The following KNTC1 variants were observed in gnomAD, a reference collection of about 807,000 sequenced individuals.
KNTC1 encodes kinetochore associated 1.
A neutral mutation model predicts 314.4 loss-of-function variants in KNTC1; 253 were observed. The ratio of observed to expected loss-of-function variants is 0.80; its 90% CI spans 0.73 to 0.89. The LOEUF (loss-of-function observed/expected upper bound fraction) is 0.89, where lower values mean the gene tolerates loss of function less well. Among genes scored for constraint, KNTC1 ranks in the 40% least tolerant of loss-of-function variants. The probability of loss-of-function intolerance (pLI) is 0.00; values close to 1 mark genes in which losing one functional copy is unlikely to be tolerated. For synonymous variants in KNTC1, 901 were observed against 901.4 expected (o/e 1.00, Z 0.01); for missense variants, 2,475 against 2,572.9 (o/e 0.96, Z 0.82).
Position 122,602,678 on chromosome 12 carries a change from A to C in KNTC1, c.4763A>C (p.Gln1588Pro). 27 of 1,613,962 alleles carry C rather than the reference A, an allele frequency of 1.7e-5. No individual in the cohort carries two copies. The highest frequency in any genetic ancestry group is 2.2e-5 in the Non-Finnish European group (26 of 1,179,836). ...EHVITLPSAA[Q>P]TRLPFHLIFF... ...GTCATAACTTTGCCATCAGCTGCCCAAACTAGACTGCCTTTTCACCTGATA... is the reference window on the plus strand; with the variant it reads ...GTCATAACTTTGCCATCAGCTGCCCCAACTAGACTGCCTTTTCACCTGATA... The change falls in exon 46 of 64, where the codon CAA becomes CCA. Residue 1588 changes from glutamine (Q) to proline (P), a missense_variant. By Grantham distance (76) the Gln-to-Pro change is moderately conservative. Coordinates refer to ENST00000333479, the MANE Select transcript of KNTC1 (RefSeq NM_014708.6).
At chr12:122,623,978 G>T (rs1429856729) in intron 62 of KNTC1, among the ~76,000 whole-genome samples, 1 of 152,182 alleles carries the variant, frequency 6.6e-6, no homozygotes, top group Non-Finnish European at 1.5e-5. Context: ...TAAGGCAGGA[G>T]AATCGCTTGA....
chr12:122,578,413 T>G (rs531736026), intron 31 of KNTC1, among the ~76,000 whole-genome samples: 7 of 148,684 alleles, frequency 4.7e-5, no homozygotes, highest in African/African-American at 9.9e-5. Context: ...AATAGTTGGG[T>G]TTTTTTTTTC....
At chr12:122,546,137 A>C (rs1319608664) in intron 8 of KNTC1, 39 bp from the exon 9 acceptor site, 1 of 1,239,394 alleles carries the variant, frequency 8.1e-7, no homozygotes, top group Admixed American at 1.7e-5. Context: ...AGGTCTAAGA[A>C]TGAAATTTGC....
intron 24 of KNTC1, 98 bp downstream of exon 24, chr12:122,571,224 T>C: frequency 1.2e-6 from 1 of 822,522 alleles, no homozygotes; most frequent in East Asian, 2.7e-5. Context: ...TATCTACTTC[T>C]TAAATTTTCT....
intron 37 of KNTC1, among the ~76,000 whole-genome samples, chr12:122,586,042 G>A (rs1279794170): frequency 6.6e-6 from 1 of 150,814 alleles, no homozygotes; most frequent in Non-Finnish European, 1.5e-5. Flanking sequence ...GAGCTGGGGA[G>A]CTGGCAATGT....
At chr12:122,548,908 C>T (rs34864383) in intron 12 of KNTC1, among the ~76,000 whole-genome samples, 47,297 of 151,764 alleles carry the variant, frequency 0.31, 8,838 homozygotes, top group Admixed American at 0.39. Context: ...GCAGAGGTTG[C>T]GGTAAGCTGA....
rs1324317872 is a variant in KNTC1 at position 122,575,846 on chromosome 12, C to T, written c.2533C>T (p.Leu845Phe). The T allele has an allele frequency of 6.2e-7, 1 of 1,613,522 alleles. No homozygotes were observed. ...ESYKLMEMKK[L>F]LRGYGIREVN... Reference sequence around the variant, plus strand: ...TTACAAACTAATGGAGATGAAAAAACTTTTACGAGGCTATGGAATAAGAGA... The same window carrying T: ...TTACAAACTAATGGAGATGAAAAAATTTTTACGAGGCTATGGAATAAGAGA... The change falls in exon 29 of 64, where the codon CTT becomes TTT. Residue 845 changes from leucine to phenylalanine, a missense_variant. Physicochemically the swap from Leu to Phe is conservative, Grantham distance 22. Coordinates refer to ENST00000333479, the MANE Select transcript of KNTC1 (RefSeq NM_014708.6).
intron 28 of KNTC1, 57 bp from the exon 29 acceptor site, chr12:122,575,743 C>G: frequency 1.3e-6 from 2 of 1,506,500 alleles, no homozygotes; most frequent in Non-Finnish European, 1.8e-6. Flanking sequence ...TTTGCTGTGT[C>G]CCATAGTACT....
intron 4 of KNTC1, among the ~76,000 whole-genome samples, chr12:122,539,278 A>T (rs1056040787): frequency 6.6e-6 from 1 of 152,188 alleles, no homozygotes; most frequent in Non-Finnish European, 1.5e-5. Flanking sequence ...GGTCTTGGTT[A>T]CCATGTCTCT....
chr12:122,556,917 C>CT (rs35101646), intron 16 of KNTC1, among the ~76,000 whole-genome samples: 43,126 of 88,380 alleles, frequency 0.49, 11,520 homozygotes, highest in East Asian at 0.73. Flanking sequence ...AATTTTCCCT[C>CT]TTTTTTTTTT....
chr12:122,612,110 G>C (rs1236649463), intron 53 of KNTC1, among the ~76,000 whole-genome samples: 1 of 150,630 alleles, frequency 6.6e-6, no homozygotes, highest in African/African-American at 2.4e-5. Flanking sequence ...CTGTCACCCA[G>C]GTCGGAGAGC....
At chr12:122,564,581 C>T (rs1964182261) in intron 20 of KNTC1, among the ~76,000 whole-genome samples, 1 of 152,056 alleles carries the variant, frequency 6.6e-6, no homozygotes, top group Non-Finnish European at 1.5e-5. Context: ...GATCCTCCTA[C>T]CTCAGCCTCC....
intron 33 of KNTC1, among the ~76,000 whole-genome samples, chr12:122,582,009 C>T (rs1210275362): frequency 2.0e-5 from 3 of 152,110 alleles, no homozygotes; most frequent in African/African-American, 7.2e-5. Context: ...CTTTCTGTCG[C>T]TGTGAATTTG....
intron 18 of KNTC1, among the ~76,000 whole-genome samples, chr12:122,561,529 T>C (rs530192484): frequency 6.6e-6 from 1 of 151,990 alleles, no homozygotes; most frequent in East Asian, 1.9e-4. Context: ...TCTCGGCTCA[T>C]GGCAACCTCA....
rs1387532763 is a variant in KNTC1 at position 122,621,876 on chromosome 12, T to C, written c.6280-5T>C. The C allele has an allele frequency of 8.3e-6, 13 of 1,563,500 alleles. No individual in the cohort carries two copies. Among genetic ancestry groups the C allele is most frequent in the Admixed American group, 3.7e-5 (2 of 54,774 alleles). On this transcript the variant is annotated splice_polypyrimidine_tract_variant and splice_region_variant and intron_variant, in intron 60 of 63. Transcript: ENST00000333479. ...TCTATTAATTCTGCTTTGATTTTTC[T>C]CTAGAATTTTCTGGGTTCCTGTGAC...
rs775938074 is a variant in KNTC1 at position 122,618,478 on chromosome 12, T to C, written c.6086-4T>C. On this transcript the variant is annotated splice_polypyrimidine_tract_variant and splice_region_variant and intron_variant, in intron 58 of 63. Coordinates refer to ENST00000333479, the MANE Select transcript of KNTC1 (RefSeq NM_014708.6). ...TCATGGTTGTTTTTTTGTTTTGTTT[T>C]CAGCCTCTTGTCCTTTAAGTCCTGA... 4.9e-5 allele frequency: 79 copies of C among 1,612,884 alleles called. No individual in the cohort carries two copies. The highest frequency in any genetic ancestry group is 6.4e-5 in the Non-Finnish European group (76 of 1,179,662).
intron 42 of KNTC1, 132 bp downstream of exon 42, chr12:122,591,585 C>A: frequency 3.3e-6 from 2 of 604,996 alleles, no homozygotes; most frequent in African/African-American, 1.9e-5. Context: ...TTATTAACTA[C>A]ACACATAGGT....
At chr12:122,529,748 G>A (rs1347789495) in intron 1 of KNTC1, among the ~76,000 whole-genome samples, 2 of 152,200 alleles carry the variant, frequency 1.3e-5, no homozygotes, top group Admixed American at 6.5e-5. Context: ...GACACACAAA[G>A]TAATGGAAGC....
At chr12:122,563,008 CA>C (rs34590470) in intron 20 of KNTC1, among the ~76,000 whole-genome samples, 8,778 of 142,614 alleles carry the variant, frequency 0.062, 800 homozygotes, top group African/African-American at 0.21. Context: ...GACTCGGTCT[CA>C]AAAAAAAAAA....
Sources: allele counts gnomAD v4.1 joint callset (sites outside exome capture counted in the v4.1 genomes callset), GRCh38; gene constraint gnomAD v4.1.1; transcripts MANE v1.5; gene names NCBI Gene and HGNC (gene_info 2026-07-23, HGNC 2026-07-21).